The following SPOP variants were observed in gnomAD, a reference collection of about 807,000 sequenced individuals.
SPOP encodes the protein speckle type BTB/POZ protein.
SPOP carries 11 observed loss-of-function variants against 45.6 expected under a neutral mutation model. The ratio of observed to expected loss-of-function variants is 0.24; its 90% CI spans 0.15 to 0.40. SPOP has a LOEUF of 0.40. Among genes scored for constraint, SPOP ranks in the 10% least tolerant of loss-of-function variants. The probability of loss-of-function intolerance (pLI) is 1.00; values close to 1 mark genes in which losing one functional copy is unlikely to be tolerated. For synonymous variants in SPOP, 166 were observed against 166.3 expected (o/e 1.00, Z 0.01); for missense variants, 152 against 465.6 (o/e 0.33, Z 6.20).
At chr17:49,607,971 T>C (rs867077633) in intron 6 of SPOP, 42 bp from the exon 7 acceptor site, 2 of 1,592,278 alleles carry the variant, frequency 1.3e-6, no homozygotes, top group Middle Eastern at 3.3e-4. Flanking sequence ...GCTATCACAG[T>C]GAAATCTCTT....
At chr17:49,611,027 C>T (rs1234681385) in intron 6 of SPOP, among the ~76,000 whole-genome samples, 1 of 152,074 alleles carries the variant, frequency 6.6e-6, no homozygotes, top group Non-Finnish European at 1.5e-5. Context: ...GCATTCAATA[C>T]CTTTGTACAT....
intron 8 of SPOP, among the ~76,000 whole-genome samples, chr17:49,606,471 C>CCT (rs2071848108): frequency 6.7e-6 from 1 of 150,026 alleles, no homozygotes; most frequent in Non-Finnish European, 1.5e-5. Flanking sequence ...CTGTGCCCAG[C>CCT]CTGTTTTTTC....
At chr17:49,666,514 T>A (rs1363855921) in intron 1 of SPOP, among the ~76,000 whole-genome samples, 2 of 147,972 alleles carry the variant, frequency 1.4e-5, no homozygotes, top group East Asian at 4.0e-4. Flanking sequence ...AACAATATAA[T>A]AAATCTGATT....
intron 8 of SPOP, among the ~76,000 whole-genome samples, chr17:49,605,877 A>G (rs914120326): frequency 4.0e-5 from 6 of 150,772 alleles, no homozygotes; most frequent in African/African-American, 1.5e-4. Flanking sequence ...AATCCCAGCT[A>G]TTCAGGAGGC....
chr17:49,645,590 C>A (rs1412231196), intron 1 of SPOP, among the ~76,000 whole-genome samples: 3 of 152,030 alleles, frequency 2.0e-5, no homozygotes, highest in Non-Finnish European at 4.4e-5. Context: ...TCACCGCGCC[C>A]AGCCAGAAAG....
intron 6 of SPOP, among the ~76,000 whole-genome samples, chr17:49,610,991 C>G (rs1597911764): frequency 6.6e-6 from 1 of 152,110 alleles, no homozygotes; most frequent in Non-Finnish European, 1.5e-5. Flanking sequence ...AACTGGTGCT[C>G]TGACATCTAC....
At chr17:49,656,610 A>ATAC (rs1272755611) in intron 1 of SPOP, among the ~76,000 whole-genome samples, 3 of 152,140 alleles carry the variant, frequency 2.0e-5, no homozygotes, top group Non-Finnish European at 2.9e-5. Flanking sequence ...TCCTATCTGA[A>ATAC]TACTACCCTT....
chr17:49,671,674 G>T (rs1003803444), intron 1 of SPOP, among the ~76,000 whole-genome samples: 24 of 151,852 alleles, frequency 1.6e-4, no homozygotes, highest in African/African-American at 5.6e-4. Context: ...AAGTGTTAAA[G>T]AAAAAAAATT....
chr17:49,649,472 G>A lies in SPOP; in HGVS notation c.-66-26596C>T, dbSNP rs150985234. Reference sequence around the variant, plus strand: ...GAATTGCTTAAACCGGGAGGGGGAGGTTGCAGTGAGCTAAGATTGTGCCAT... The same window carrying A: ...GAATTGCTTAAACCGGGAGGGGGAGATTGCAGTGAGCTAAGATTGTGCCAT... On this transcript the variant is annotated intron_variant, in intron 1 of 9. Transcript: ENST00000504102. 3.3e-5 allele frequency among the ~76,000 whole-genome samples: 5 copies of A among 151,206 alleles called. No homozygotes were observed. The East Asian group carries it at 9.9e-4, about 30-fold the overall frequency.
At chr17:49,606,460 A>G (rs1435971121) in intron 8 of SPOP, among the ~76,000 whole-genome samples, 1 of 148,788 alleles carries the variant, frequency 6.7e-6, no homozygotes, top group Non-Finnish European at 1.5e-5. Flanking sequence ...ACCCAGCACC[A>G]CTGTGCCCAG....
intron 1 of SPOP, among the ~76,000 whole-genome samples, chr17:49,674,066 G>C (rs1388748836): frequency 6.6e-6 from 1 of 152,108 alleles, no homozygotes; most frequent in Admixed American, 6.6e-5. Flanking sequence ...AGAATAGCTT[G>C]AACCAGGGAG....
At chr17:49,609,044 A>G (rs973090986) in intron 6 of SPOP, among the ~76,000 whole-genome samples, 6 of 152,106 alleles carry the variant, frequency 3.9e-5, no homozygotes, top group Admixed American at 1.3e-4. Context: ...AAGTAGCTGG[A>G]ATTACAGGTA....
At chr17:49,664,659 GCT>G (rs1409992343) in intron 1 of SPOP, among the ~76,000 whole-genome samples, 4 of 152,128 alleles carry the variant, frequency 2.6e-5, no homozygotes, top group Admixed American at 6.5e-5. Flanking sequence ...TCCCAAAACT[GCT>G]CTGTTTGTAC....
Position 49,668,533 on chromosome 17 carries a change from T to C in SPOP, c.-67+9400A>G, listed in dbSNP as rs184873317. ...CCAAATGCAAGATAGGTGTTACCTC[T>C]AAGGAGGGAGGGAAGAAGAAAATAG... On this transcript the variant is annotated intron_variant, in intron 1 of 9. Coordinates refer to ENST00000504102, the MANE Select transcript of SPOP (RefSeq NM_001007228.2). Among the ~76,000 whole-genome samples, 8 of 152,220 alleles carry C rather than the reference T, an allele frequency of 5.3e-5. No individual in the cohort carries two copies. In the East Asian group the frequency reaches 1.5e-3, roughly 29 times the overall value.
At chr17:49,640,200 C>T (rs1480163696) in intron 1 of SPOP, among the ~76,000 whole-genome samples, 1 of 151,828 alleles carries the variant, frequency 6.6e-6, no homozygotes, top group Non-Finnish European at 1.5e-5. Context: ...TTGCAGTGAG[C>T]CAAGATGGTG....
At chr17:49,668,082 G>C (rs1220265162) in intron 1 of SPOP, 1 of 152,158 alleles carries the variant, frequency 6.6e-6, no homozygotes, top group East Asian at 1.9e-4. Flanking sequence ...CCAGAGCCTG[G>C]GGGTGGGAGG....
chr17:49,671,140 CA>C (rs887644739), intron 1 of SPOP, among the ~76,000 whole-genome samples: 19 of 152,002 alleles, frequency 1.2e-4, no homozygotes, highest in African/African-American at 4.1e-4. Flanking sequence ...ATATTCAAGA[CA>C]AGGAAGCTGT....
At position 49,600,861 on chromosome 17, in the gene SPOP, T is replaced by A; in HGVS notation, c.981-339A>T. ...CATGGGCTCCCTCGGCCAGAAGCCC[T>A]GAGCTTCTGCCTGGCTTTGCCACTC... is the stretch of plus-strand genomic sequence containing the variant. On this transcript the variant is annotated intron_variant, in intron 9 of 9. Transcript: ENST00000504102. This position sits in a 1 kb window ranked among gnomAD's most constrained non-coding sequence, Gnocchi z 4.2. 2 of 239,788 alleles carry A rather than the reference T, an allele frequency of 8.3e-6. No individual in the cohort carries two copies. Among genetic ancestry groups the A allele is most frequent in the East Asian group, 8.9e-5 (1 of 11,198 alleles). 14.9% of individuals were successfully genotyped at this position (239,788 alleles called of 1,614,324 possible). A position where few individuals can be genotyped will look rare whatever the true frequency, so the allele number is the denominator to read the frequency against.
At chr17:49,657,494 G>A (rs1393612492) in intron 1 of SPOP, among the ~76,000 whole-genome samples, 1 of 151,710 alleles carries the variant, frequency 6.6e-6, no homozygotes, top group Non-Finnish European at 1.5e-5. Context: ...TGCCTCCTGG[G>A]TTCTAACGAT....
Sources: gnomAD v4.1 joint callset for allele counts (sites outside exome capture counted in the v4.1 genomes callset) on GRCh38, gnomAD v4.1.1 for gene constraint, Gnocchi (gnomAD v3.1) non-coding constraint, MANE v1.5 for transcripts, NCBI Gene and HGNC (gene_info 2026-07-23, HGNC 2026-07-21) for gene names.